Variants in PDLIM5 observed in about 807,000 individuals in gnomAD.
PDLIM5 encodes the protein PDZ and LIM domain 5, also known as PDZ and LIM domain protein 5.
A neutral mutation model predicts 64.2 loss-of-function variants in PDLIM5; 34 were observed. The observed-to-expected ratio is 0.53, with a 90% confidence interval of 0.40 to 0.71. The LOEUF is 0.71. PDLIM5 is among the 30% of genes least tolerant of loss of function. PDLIM5 has a pLI of 0.00. For missense variants in PDLIM5, 683 were observed against 733.6 expected (o/e 0.93, Z 0.80); for synonymous variants, 253 against 269.1 (o/e 0.94, Z 0.59).
intron 2 of PDLIM5, among the ~76,000 whole-genome samples, chr4:94,470,394 C>A (rs1295389001): frequency 6.6e-6 from 1 of 152,166 alleles, no homozygotes; most frequent in Non-Finnish European, 1.5e-5. Flanking sequence ...GAGTTGTTTA[C>A]AAATTATGCT....
At chr4:94,569,713 A>G (rs1357009464) in intron 3 of PDLIM5, among the ~76,000 whole-genome samples, 1 of 152,198 alleles carries the variant, frequency 6.6e-6, no homozygotes, top group Non-Finnish European at 1.5e-5. Flanking sequence ...AAATATAGTT[A>G]TATGGATATG....
intron 2 of PDLIM5, among the ~76,000 whole-genome samples, chr4:94,473,284 C>T (rs566813098): frequency 4.6e-5 from 7 of 152,134 alleles, no homozygotes; most frequent in East Asian, 3.9e-4. Flanking sequence ...TTTTTTGAGA[C>T]GGAGTTTCAC....
chr4:94,594,663 G>T (rs1018745330), intron 7 of PDLIM5, among the ~76,000 whole-genome samples: 1 of 151,822 alleles, frequency 6.6e-6, no homozygotes, highest in African/African-American at 2.4e-5. Context: ...GTTAAAAAAT[G>T]TTTTTCTTGA....
chr4:94,598,836 T>C (rs571812717), intron 7 of PDLIM5, among the ~76,000 whole-genome samples: 1 of 152,010 alleles, frequency 6.6e-6, no homozygotes, highest in South Asian at 2.1e-4. Context: ...AGAAAATAAT[T>C]TGAGCTGAAA....
chr4:94,517,559 C>T (rs1729471594), intron 2 of PDLIM5, among the ~76,000 whole-genome samples: 1 of 152,196 alleles, frequency 6.6e-6, no homozygotes, highest in African/African-American at 2.4e-5. Context: ...GGTAACAGCA[C>T]TGTCAGAAAA....
At chr4:94,565,378 A>G (rs537563871) in intron 3 of PDLIM5, among the ~76,000 whole-genome samples, 10 of 152,338 alleles carry the variant, frequency 6.6e-5, no homozygotes, top group African/African-American at 2.2e-4. Flanking sequence ...AGAAGGAACC[A>G]TCGTAGTTAT....
chr4:94,572,598 A>G (rs1734897802), intron 3 of PDLIM5, among the ~76,000 whole-genome samples: 1 of 152,224 alleles, frequency 6.6e-6, no homozygotes, highest in South Asian at 2.1e-4. Context: ...ATTTAAAATG[A>G]AAATTAATTT....
intron 2 of PDLIM5, among the ~76,000 whole-genome samples, chr4:94,499,483 G>GT (rs781703532): frequency 7.2e-5 from 11 of 152,064 alleles, no homozygotes; most frequent in Non-Finnish European, 1.2e-4. Context: ...GAAAAACAAT[G>GT]TAACAATAAA....
At chr4:94,487,699 A>G (rs1302673156) in intron 2 of PDLIM5, among the ~76,000 whole-genome samples, 1 of 152,144 alleles carries the variant, frequency 6.6e-6, no homozygotes, top group East Asian at 1.9e-4. Flanking sequence ...AGTGTTCAGG[A>G]ATTGCTTTCT....
At chr4:94,526,247 A>T (rs1018024184) in intron 3 of PDLIM5, among the ~76,000 whole-genome samples, 1 of 152,246 alleles carries the variant, frequency 6.6e-6, no homozygotes, top group African/African-American at 2.4e-5. Context: ...AAGAGTAGAT[A>T]AAAACCAGAT....
In PDLIM5 at chr4:94,455,351, T is replaced by G. The variant is rs1578184161; in HGVS notation, c.63T>G (p.Gly21=). The G allele has an allele frequency of 6.2e-7, 1 of 1,613,248 alleles. No homozygotes were observed. The highest frequency in any genetic ancestry group is 8.5e-7 in the Non-Finnish European group (1 of 1,179,178). Residue 21 remains glycine (G), a synonymous_variant, in exon 2 of 13, where the codon GGT becomes GGG. Transcript: ENST00000317968. ...PAPWGFRLQG[G]KDFNMPLTIS... is the part of the protein sequence containing the mutation. Reference sequence around the variant, plus strand: ...CTTGGGGTTTCCGGCTGCAGGGCGGTAAGGATTTCAACATGCCTCTGACAA... The same window carrying G: ...CTTGGGGTTTCCGGCTGCAGGGCGGGAAGGATTTCAACATGCCTCTGACAA...
chr4:94,532,936 G>A (rs957193699), intron 3 of PDLIM5, among the ~76,000 whole-genome samples: 1 of 152,184 alleles, frequency 6.6e-6, no homozygotes, highest in African/African-American at 2.4e-5. Context: ...CCGGGAGGCA[G>A]AGGTTGCAGT....
chr4:94,458,607 GT>G (rs1723589499), intron 2 of PDLIM5, among the ~76,000 whole-genome samples: 1 of 152,022 alleles, frequency 6.6e-6, no homozygotes, highest in African/African-American at 2.4e-5. Context: ...CTCTGATTAG[GT>G]ATTATTATGT....
intron 2 of PDLIM5, among the ~76,000 whole-genome samples, chr4:94,503,027 TTTG>T (rs1397293526): frequency 6.6e-6 from 1 of 152,160 alleles, no homozygotes; most frequent in African/African-American, 2.4e-5. Context: ...TCCTTTCTAG[TTTG>T]TTATTTTGAA....
chr4:94,533,847 A>G (rs1731098021), intron 3 of PDLIM5, among the ~76,000 whole-genome samples: 1 of 152,112 alleles, frequency 6.6e-6, no homozygotes. Context: ...AGAGGGAGAA[A>G]CTGAGAGAGG....
In PDLIM5 at chr4:94,640,398, A is replaced by G. The variant is rs958740390; in HGVS notation, c.1231A>G (p.Ile411Val). 1.9e-6 allele frequency: 3 copies of G among 1,611,326 alleles called. No homozygotes were observed. The highest frequency in any genetic ancestry group is 8.5e-7 in the Non-Finnish European group (1 of 1,178,504). Residue 411 changes from isoleucine to valine, a missense_variant, in exon 9 of 13, where the codon ATT becomes GTT. By Grantham distance (29) the Ile-to-Val change is conservative. Transcript: ENST00000317968. ...QDTLVQRAEHIPAGKRTPMCA... is the reference protein window; with the variant it reads ...QDTLVQRAEHVPAGKRTPMCA... ...CACTTTAGTGCAAAGAGCTGAGCACATTCCAGCAGGGAAACGAACTCCGAT... is the reference window on the plus strand; with the variant it reads ...CACTTTAGTGCAAAGAGCTGAGCACGTTCCAGCAGGGAAACGAACTCCGAT...
Position 94,665,585 on chromosome 4 carries a change from T to C in PDLIM5, c.*1518T>C, listed in dbSNP as rs1743043753. The C allele has an allele frequency of 1.0e-6, 1 of 977,208 alleles. No homozygotes were observed. The allele number at this position is 977,208 out of a possible 1,614,324, so 60.5% of individuals were successfully genotyped here. ...ATTATACCCCCCAATTGTTTTTCAA[T>C]CCCCTTTTCTCAAATAATAAATTAG... On this transcript the variant is annotated 3_prime_UTR_variant, in exon 13 of 13. Coordinates refer to ENST00000317968, the MANE Select transcript of PDLIM5 (RefSeq NM_006457.5).
chr4:94,587,875 C>A, intron 7 of PDLIM5: 1 of 876,438 alleles, frequency 1.1e-6, no homozygotes, highest in Non-Finnish European at 1.4e-6. Context: ...TTTTTTTAAT[C>A]AGAAGAACAT....
chr4:94,468,276 C>T (rs914154815), intron 2 of PDLIM5, among the ~76,000 whole-genome samples: 5 of 152,116 alleles, frequency 3.3e-5, no homozygotes, highest in African/African-American at 9.7e-5. Flanking sequence ...CCTTAGCCTC[C>T]CAAGTAGCTG....
Sources: gnomAD v4.1 joint callset for allele counts (sites outside exome capture counted in the v4.1 genomes callset) on GRCh38, gnomAD v4.1.1 for gene constraint, MANE v1.5 for transcripts, NCBI Gene and HGNC (gene_info 2026-07-23, HGNC 2026-07-21) for gene names.